DEPDC1B: variants seen among roughly 807,000 people sequenced by gnomAD.
DEPDC1B encodes DEP domain containing 1B, also known as DEP domain-containing protein 1B.
In DEPDC1B, 51 loss-of-function variants were observed where a neutral mutation model predicts 66.5. The observed-to-expected ratio is 0.77, with a 90% CI of 0.61 to 0.97. The LOEUF (loss-of-function observed/expected upper bound fraction) is 0.97, where lower values mean the gene tolerates loss of function less well. Ranked by LOEUF, DEPDC1B falls within the 50% of genes least tolerant of loss-of-function variation. DEPDC1B has a pLI of 0.00. For synonymous variants in DEPDC1B, 226 were observed against 223.6 expected (o/e 1.01, Z -0.10); for missense variants, 552 against 637.1 (o/e 0.87, Z 1.44).
At chr5:60,669,960 C>A (rs796163130) in intron 2 of DEPDC1B, among the ~76,000 whole-genome samples, 3 of 151,966 alleles carry the variant, frequency 2.0e-5, no homozygotes. Context: ...CTTAAAAAAG[C>A]ACAACCCCAC....
intron 8 of DEPDC1B, among the ~76,000 whole-genome samples, chr5:60,604,625 A>G (rs1368660308): frequency 6.6e-6 from 1 of 152,106 alleles, no homozygotes; most frequent in Non-Finnish European, 1.5e-5. Flanking sequence ...TCTTTAAGCA[A>G]AAAATCATGT....
intron 2 of DEPDC1B, among the ~76,000 whole-genome samples, chr5:60,680,958 C>T (rs1754283376): frequency 6.6e-6 from 1 of 152,170 alleles, no homozygotes; most frequent in Admixed American, 6.5e-5. Flanking sequence ...ACCTGGATTA[C>T]TTTGGACCAG....
In DEPDC1B at chr5:60,627,923, G is replaced by C. The variant is rs564490708; in HGVS notation, c.898+10827C>G. ...TGAGAAAACTGGGTCCAGAAAGGCA[G>C]TGATTTGTCAAAGTAGGTACAATCA... On this transcript the variant is annotated intron_variant, in intron 7 of 10. Coordinates refer to ENST00000265036, the MANE Select transcript of DEPDC1B (RefSeq NM_018369.3). Among the ~76,000 whole-genome samples, 601 of 152,276 alleles carry C rather than the reference G, an allele frequency of 3.9e-3. 7 individuals are homozygous for C. The highest frequency in any genetic ancestry group is 0.014 in the African/African-American group (574 of 41,572).
chr5:60,698,018 A>G (rs1055852963), intron 1 of DEPDC1B, among the ~76,000 whole-genome samples: 4 of 152,176 alleles, frequency 2.6e-5, no homozygotes, highest in African/African-American at 7.2e-5. Context: ...TACAATTCCA[A>G]TTATGAGGTA....
At chr5:60,666,939 A>G (rs951277631) in intron 2 of DEPDC1B, among the ~76,000 whole-genome samples, 6 of 152,342 alleles carry the variant, frequency 3.9e-5, no homozygotes, top group African/African-American at 1.4e-4. Context: ...CTTTATTGGA[A>G]GAGAAAAACT....
intron 2 of DEPDC1B, among the ~76,000 whole-genome samples, chr5:60,679,493 GA>G (rs1380937568): frequency 1.3e-5 from 2 of 151,306 alleles, no homozygotes; most frequent in Non-Finnish European, 2.9e-5. Flanking sequence ...GAAAGAGGAA[GA>G]AAAAGAGAAG....
chr5:60,651,885 G>C (rs1300279428), intron 2 of DEPDC1B, among the ~76,000 whole-genome samples: 1 of 152,176 alleles, frequency 6.6e-6, no homozygotes, highest in Non-Finnish European at 1.5e-5. Context: ...ATGACAACTG[G>C]TTTCTTTTAT....
chr5:60,604,232 T>TTTTTTTTTTTTTTTTTTTC, intron 8 of DEPDC1B, among the ~76,000 whole-genome samples: 1 of 137,370 alleles, frequency 7.3e-6, no homozygotes, highest in Non-Finnish European at 1.6e-5. Context: ...TTTTTTTTTT[T>TTTTTTTTTTTTTTTTTTTC]TTTTTTTTTA....
chr5:60,667,990 A>ATTATATATATAAAATGGATATTTT (rs1561384523), intron 2 of DEPDC1B, among the ~76,000 whole-genome samples: 1 of 107,730 alleles, frequency 9.3e-6, no homozygotes, highest in African/African-American at 4.2e-5. Flanking sequence ...TAAAATGGAT[A>ATTATATATATAAAATGGATATTTT]TTATATATAT....
chr5:60,642,293 C>A (rs890609996), intron 6 of DEPDC1B, among the ~76,000 whole-genome samples: 1 of 152,118 alleles, frequency 6.6e-6, no homozygotes, highest in African/African-American at 2.4e-5. Context: ...CATTAGAATC[C>A]CTTCTTTGGG....
At chr5:60,693,576 G>GGAAAAAATC (rs1754592195) in intron 1 of DEPDC1B, among the ~76,000 whole-genome samples, 2 of 152,046 alleles carry the variant, frequency 1.3e-5, no homozygotes, top group African/African-American at 4.8e-5. Context: ...TTCTAGAGCT[G>GGAAAAAATC]GAAAAAATCT....
intron 2 of DEPDC1B, among the ~76,000 whole-genome samples, chr5:60,682,266 C>CA (rs1186225257): frequency 3.9e-5 from 6 of 152,100 alleles, no homozygotes; most frequent in South Asian, 2.1e-4. Context: ...ATCGCAAGGA[C>CA]AAAAAACCAA....
chr5:60,638,630 T>C (rs1753114437), intron 7 of DEPDC1B, 120 bp downstream of exon 7: 1 of 1,020,840 alleles, frequency 9.8e-7, no homozygotes, highest in Non-Finnish European at 1.4e-6. Context: ...TGCCAAATAC[T>C]CTATCAGTTT....
chr5:60,686,872 T>C (rs1754423049), intron 2 of DEPDC1B, 90 bp downstream of exon 2: 1 of 1,495,410 alleles, frequency 6.7e-7, no homozygotes, highest in Non-Finnish European at 9.2e-7. Flanking sequence ...ACAAGGTAAA[T>C]TCTTACACAT....
chr5:60,636,049 T>C (rs901654720), intron 7 of DEPDC1B, among the ~76,000 whole-genome samples: 13 of 152,132 alleles, frequency 8.5e-5, no homozygotes, highest in African/African-American at 3.1e-4. Flanking sequence ...TGCCAAATTA[T>C]TGCATGCTAC....
intron 7 of DEPDC1B, among the ~76,000 whole-genome samples, chr5:60,612,034 G>A (rs181031209): frequency 7.9e-5 from 12 of 152,302 alleles, no homozygotes; most frequent in Admixed American, 5.9e-4. Context: ...TGAAAGGACA[G>A]CCTGGCTCTC....
rs144988104 is a variant in DEPDC1B, at chr5:60,652,705, C to T, written c.315-5172G>A. On this transcript the variant is annotated intron_variant, in intron 2 of 10. Transcript: ENST00000265036. The stretch of plus-strand genomic sequence containing the variant: ...TTCTGAGATTTTGGTGCACCCATCA[C>T]CCGAGCAGTGTATACTGTAACCAAT... Among the ~76,000 whole-genome samples the T allele has an allele frequency of 2.4e-3, 358 of 148,992 alleles. 36 individuals are homozygous for T. Among genetic ancestry groups the T allele is most frequent in the African/African-American group, 8.8e-3 (346 of 39,526 alleles).
At chr5:60,598,164 T>C (rs961278433) in intron 10 of DEPDC1B, among the ~76,000 whole-genome samples, 18 of 152,184 alleles carry the variant, frequency 1.2e-4, no homozygotes, top group Non-Finnish European at 2.5e-4. Context: ...TCACTTTTTA[T>C]ATATTCACAA....
At chr5:60,697,047 A>AT (rs79736154) in intron 1 of DEPDC1B, among the ~76,000 whole-genome samples, 10,825 of 152,234 alleles carry the variant, frequency 0.071, 650 homozygotes, top group East Asian at 0.2. Context: ...GACCATATAT[A>AT]TAACTCAGAA....
Sources: allele counts gnomAD v4.1 joint callset (sites outside exome capture counted in the v4.1 genomes callset), GRCh38; gene constraint gnomAD v4.1.1; transcripts MANE v1.5; gene names NCBI Gene and HGNC (gene_info 2026-07-23, HGNC 2026-07-21).